IRS1: variants seen among roughly 807,000 people sequenced by gnomAD.
IRS1 encodes the protein insulin receptor substrate 1.
Under a neutral mutation model 65.6 loss-of-function variants are expected in IRS1, and 34 were observed. That is an observed-to-expected ratio of 0.52 (90% CI 0.39 to 0.69). IRS1 has a LOEUF of 0.69. Among genes scored for constraint, IRS1 ranks in the 30% least tolerant of loss-of-function variants. The pLI, the probability that IRS1 is intolerant of heterozygous loss-of-function variation, is 0.00. For missense variants in IRS1, 1,641 were observed against 1,720.2 expected (o/e 0.95, Z 0.81); for synonymous variants, 699 against 683.5 (o/e 1.02, Z -0.35).
rs1939853674 is a variant in IRS1, at chr2:226,799,719, C to A, written c.-981G>T. The A allele has an allele frequency of 1.0e-6, 1 of 999,758 alleles. No individual in the cohort carries two copies. The highest frequency in any genetic ancestry group is 1.2e-6 in the Non-Finnish European group (1 of 830,106). The allele number at this position is 999,758 out of a possible 1,614,324, so 61.9% of individuals were successfully genotyped here. A position where few individuals can be genotyped will look rare whatever the true frequency, so the allele number is the denominator to read the frequency against. ...GAGCCCCAACCAAAACAAGCGGCGG[C>A]GTCTGGCTCTGCGCGCCGGCCCCCT... On this transcript the variant is annotated 5_prime_UTR_variant, in exon 1 of 2. Coordinates refer to ENST00000305123, the MANE Select transcript of IRS1 (RefSeq NM_005544.3). The surrounding 1 kb of genome is among the most constrained non-coding windows in gnomAD (Gnocchi z 6.1).
rs1939800708 is a variant in IRS1 at position 226,798,463 on chromosome 2, G to A, written c.276C>T (p.His92=). Residue 92 remains histidine (H), a synonymous_variant, in exon 1 of 2, where the codon CAC becomes CAT. Transcript: ENST00000305123. The surrounding 1 kb of genome is among the most constrained non-coding windows in gnomAD (Gnocchi z 9.4). ...HLVALYTRDE[H]FAIAADSEAE... is the part of the protein sequence containing the mutation. ...CCTCGCTGTCCGCCGCGATGGCAAAGTGCTCGTCCCGGGTGTAGAGAGCCA... is the reference window on the plus strand; with the variant it reads ...CCTCGCTGTCCGCCGCGATGGCAAAATGCTCGTCCCGGGTGTAGAGAGCCA... The A allele has an allele frequency of 5.0e-6, 8 of 1,614,162 alleles. No individual in the cohort carries two copies. The highest frequency in any genetic ancestry group is 6.8e-6 in the Non-Finnish European group (8 of 1,180,034).
chr2:226,753,980 G>A (rs1213839027), intron 1 of IRS1, among the ~76,000 whole-genome samples: 1 of 152,100 alleles, frequency 6.6e-6, no homozygotes, highest in Non-Finnish European at 1.5e-5. Context: ...AGCCTCCTGA[G>A]TAGCTGGGAC....
chr2:226,780,548 A>G (rs971753222), intron 1 of IRS1, among the ~76,000 whole-genome samples: 13 of 152,364 alleles, frequency 8.5e-5, no homozygotes, highest in African/African-American at 3.1e-4. Context: ...TACAATTAAC[A>G]TCAGAAGAAC....
At chr2:226,766,163 A>T (rs4122654) in intron 1 of IRS1, among the ~76,000 whole-genome samples, 1,869 of 4,614 alleles carry the variant, frequency 0.41, 538 homozygotes, top group Middle Eastern at 0.75. Flanking sequence ...ATATATATAT[A>T]TTTTTTTTTT....
chr2:226,783,536 G>C (rs58439771), intron 1 of IRS1, among the ~76,000 whole-genome samples: 3 of 152,048 alleles, frequency 2.0e-5, no homozygotes, highest in Non-Finnish European at 4.4e-5. Flanking sequence ...TCAATGAATA[G>C]TTATTTAAGG....
chr2:226,782,567 G>A (rs1939403585), intron 1 of IRS1, among the ~76,000 whole-genome samples: 3 of 152,270 alleles, frequency 2.0e-5, no homozygotes, highest in South Asian at 4.1e-4. Flanking sequence ...TTCTCATGTG[G>A]CTCAGTTTGT....
chr2:226,795,355 A>G lies in IRS1; in HGVS notation c.3384T>C (p.Gly1128=). The G allele has an allele frequency of 6.2e-7, 1 of 1,612,520 alleles. No individual in the cohort carries two copies. The highest frequency in any genetic ancestry group is 8.5e-7 in the Non-Finnish European group (1 of 1,179,826). The change falls in exon 1 of 2, where the codon GGT becomes GGC. Residue 1128 remains glycine, a synonymous_variant. Transcript: ENST00000305123. ...CCTCGCTGCTGCTGCTGCTACCGCC[A>G]CCGCCCCCTACTGCTGCCCCCGCTC... ...PFGAGAAVGG[G]GGSSSSSEDV... is the part of the protein sequence containing the mutation.
At chr2:226,758,855 T>C (rs1938855508) in intron 1 of IRS1, among the ~76,000 whole-genome samples, 1 of 152,174 alleles carries the variant, frequency 6.6e-6, no homozygotes, top group Non-Finnish European at 1.5e-5. Flanking sequence ...TCCTAAAATA[T>C]CCAAGGAAGT....
At chr2:226,743,917 T>C (rs893773384) in intron 1 of IRS1, among the ~76,000 whole-genome samples, 3 of 152,252 alleles carry the variant, frequency 2.0e-5, no homozygotes, top group African/African-American at 7.2e-5. Flanking sequence ...GAGCCTATTT[T>C]CACTGCCTTT....
intron 1 of IRS1, among the ~76,000 whole-genome samples, chr2:226,789,675 C>G (rs1559157178): frequency 6.6e-6 from 1 of 152,096 alleles, no homozygotes; most frequent in African/African-American, 2.4e-5. Context: ...CCACAGTGTG[C>G]ACTGGTTAAA....
chr2:226,741,087 C>A (rs1938427627), intron 1 of IRS1, among the ~76,000 whole-genome samples: 1 of 152,082 alleles, frequency 6.6e-6, no homozygotes, highest in African/African-American at 2.4e-5. Context: ...TTATATTCCC[C>A]ATCACCAGAA....
intron 1 of IRS1, among the ~76,000 whole-genome samples, chr2:226,768,394 G>T (rs1374032153): frequency 1.3e-5 from 2 of 152,128 alleles, no homozygotes; most frequent in African/African-American, 4.8e-5. Flanking sequence ...CAAGGAATGA[G>T]ATTTGGAATA....
At chr2:226,768,178 G>GTCACTGCCTCCTT (rs1487508410) in intron 1 of IRS1, among the ~76,000 whole-genome samples, 18 of 152,116 alleles carry the variant, frequency 1.2e-4, no homozygotes, top group Admixed American at 1.2e-3. Flanking sequence ...TGTTTGCTCA[G>GTCACTGCCTCCTT]TCACTGCCTC....
In IRS1 at chr2:226,788,519, C is replaced by G. The variant is rs10170579; in HGVS notation, c.*21+6470G>C. Among the ~76,000 whole-genome samples, 1,249 of 152,240 alleles carry G rather than the reference C, an allele frequency of 8.2e-3. 16 individuals carry two copies. Among genetic ancestry groups the G allele is most frequent in the African/African-American group, 0.029 (1,187 of 41,544 alleles). On this transcript the variant is annotated intron_variant, in intron 1 of 1. Transcript: ENST00000305123. ...TTTCAACAAATAGATTATAGCAGAG[C>G]CTGCTGCAAGAATACTATTAAAATG...
In IRS1 at chr2:226,772,563, G is replaced by A. The variant is rs913948767; in HGVS notation, c.*21+22426C>T. Among the ~76,000 whole-genome samples the A allele has an allele frequency of 9.2e-5, 14 of 151,966 alleles. No homozygotes were observed. In the East Asian group the frequency reaches 9.7e-4, roughly 11 times the overall value. Reference sequence around the variant, plus strand: ...AGCTAATGAATGAGTGAACAGTAGCGTATAATTTGTCTCTTAGCCAAGCAA... The same window carrying A: ...AGCTAATGAATGAGTGAACAGTAGCATATAATTTGTCTCTTAGCCAAGCAA... On this transcript the variant is annotated intron_variant, in intron 1 of 1. Coordinates refer to ENST00000305123, the MANE Select transcript of IRS1 (RefSeq NM_005544.3).
At chr2:226,786,108 G>A (rs1186269710) in intron 1 of IRS1, among the ~76,000 whole-genome samples, 2 of 148,878 alleles carry the variant, frequency 1.3e-5, no homozygotes, top group African/African-American at 2.5e-5. Context: ...ATTCCATGGT[G>A]TATATGTACC....
intron 1 of IRS1, among the ~76,000 whole-genome samples, chr2:226,749,082 C>T (rs1269385248): frequency 6.6e-6 from 1 of 152,192 alleles, no homozygotes; most frequent in Non-Finnish European, 1.5e-5. Flanking sequence ...CAAAATTTCA[C>T]CTTACTATCA....
intron 1 of IRS1, among the ~76,000 whole-genome samples, chr2:226,764,420 G>A (rs543617228): frequency 6.6e-5 from 10 of 152,192 alleles, no homozygotes; most frequent in Non-Finnish European, 1.2e-4. Context: ...GGTGCTCATC[G>A]TAGTCCAAGC....
chr2:226,765,062 A>G (rs995568582), intron 1 of IRS1, among the ~76,000 whole-genome samples: 1 of 152,196 alleles, frequency 6.6e-6, no homozygotes, highest in Admixed American at 6.5e-5. Context: ...AGCTTACACT[A>G]TAGCTTCACC....
Sources: gnomAD v4.1 joint callset for allele counts (sites outside exome capture counted in the v4.1 genomes callset) on GRCh38, gnomAD v4.1.1 for gene constraint, Gnocchi (gnomAD v3.1) non-coding constraint, MANE v1.5 for transcripts, NCBI Gene and HGNC (gene_info 2026-07-23, HGNC 2026-07-21) for gene names.